Variants in FXN observed in about 807,000 individuals in gnomAD.
FXN encodes the protein frataxin, also known as frataxin, mitochondrial.
FXN carries 14 observed loss-of-function variants against 22.4 expected under a neutral mutation model. The ratio of observed to expected loss-of-function variants is 0.62; its 90% CI spans 0.41 to 0.98. FXN has a LOEUF of 0.98. Ranked by LOEUF, FXN falls within the 50% of genes least tolerant of loss-of-function variation. The probability of loss-of-function intolerance (pLI) is 0.00; values close to 1 mark genes in which losing one functional copy is unlikely to be tolerated. For missense variants in FXN, 267 were observed against 268.4 expected (o/e 0.99, Z 0.04); for synonymous variants, 120 against 114.1 (o/e 1.05, Z -0.33).
intron 4 of FXN, among the ~76,000 whole-genome samples, chr9:69,069,491 A>G (rs1832233951): frequency 6.6e-6 from 1 of 151,998 alleles, no homozygotes; most frequent in Non-Finnish European, 1.5e-5. Flanking sequence ...AAGACATTGC[A>G]TAAATAATGT....
intron 1 of FXN, among the ~76,000 whole-genome samples, chr9:69,041,651 G>A (rs1244484324): frequency 2.6e-5 from 4 of 152,210 alleles, no homozygotes; most frequent in Admixed American, 6.5e-5. Context: ...TGACAGGGCC[G>A]GGGGTGACAA....
In FXN at chr9:69,078,589, A is replaced by G; in HGVS notation, c.*5827A>G. ...GCTTTTCTGACTGAACTGTTCAGGC[A>G]CTGACTCTACATATAATTATGCTTT... On this transcript the variant is annotated 3_prime_UTR_variant, in exon 5 of 5. Coordinates refer to ENST00000484259, the MANE Select transcript of FXN (RefSeq NM_000144.5). The G allele has an allele frequency of 1.0e-6, 1 of 985,704 alleles. No individual in the cohort carries two copies. The highest frequency in any genetic ancestry group is 4.7e-5 in the South Asian group (1 of 21,278). The allele number at this position is 985,704 out of a possible 1,614,324, so 61.1% of individuals were successfully genotyped here. A position where few individuals can be genotyped will look rare whatever the true frequency, so the allele number is the denominator to read the frequency against.
At chr9:69,050,332 T>A (rs1831828736) in intron 2 of FXN, among the ~76,000 whole-genome samples, 1 of 152,216 alleles carries the variant, frequency 6.6e-6, no homozygotes, top group Non-Finnish European at 1.5e-5. Flanking sequence ...TATAGGATAG[T>A]TGTGATACAA....
At chr9:69,046,026 T>C (rs1403829334) in intron 1 of FXN, among the ~76,000 whole-genome samples, 1 of 152,100 alleles carries the variant, frequency 6.6e-6, no homozygotes, top group Admixed American at 6.5e-5. Context: ...CCACTGGAGG[T>C]GAAAGTTCCG....
intron 1 of FXN, among the ~76,000 whole-genome samples, chr9:69,036,713 C>T (rs1235686989): frequency 1.3e-5 from 2 of 152,212 alleles, no homozygotes; most frequent in African/African-American, 2.4e-5. Context: ...TTCAGAACTT[C>T]AAATTAGTTC....
chr9:69,072,564 C>A (rs774818917), intron 4 of FXN, 48 bp from the exon 5 acceptor site: 1 of 1,612,972 alleles, frequency 6.2e-7, no homozygotes, highest in Admixed American at 1.7e-5. Context: ...AGTGGTTCAT[C>A]TGAAGGGCTG....
At chr9:69,056,591 T>A (rs1587823579) in intron 3 of FXN, among the ~76,000 whole-genome samples, 1 of 152,298 alleles carries the variant, frequency 6.6e-6, no homozygotes, top group East Asian at 1.9e-4. Context: ...CGCACCACTG[T>A]TCTCCAGCCA....
At chr9:69,061,886 A>G (rs1832080587) in intron 3 of FXN, among the ~76,000 whole-genome samples, 1 of 152,250 alleles carries the variant, frequency 6.6e-6, no homozygotes, top group Admixed American at 6.5e-5. Context: ...ATAGTATTCC[A>G]TGGTGTATAT....
chr9:69,073,882 T>C lies in FXN; in HGVS notation c.*1120T>C. 1 of 985,292 alleles carries C rather than the reference T, an allele frequency of 1.0e-6. No individual in the cohort carries two copies. Among genetic ancestry groups the C allele is most frequent in the Non-Finnish European group, 1.2e-6 (1 of 829,870 alleles). 61.0% of individuals were successfully genotyped at this position (985,292 alleles called of 1,614,324 possible). Reference sequence around the variant, plus strand: ...TATCGTGATTTCAGTTGAATTCATGTGAAAATAATAGCCATCCTTGGCCTG... The same window carrying C: ...TATCGTGATTTCAGTTGAATTCATGCGAAAATAATAGCCATCCTTGGCCTG... On this transcript the variant is annotated 3_prime_UTR_variant, in exon 5 of 5. Coordinates refer to ENST00000484259, the MANE Select transcript of FXN (RefSeq NM_000144.5).
At position 69,078,025 on chromosome 9, in the gene FXN, C is replaced by T; in HGVS notation, c.*5263C>T. Reference sequence around the variant, plus strand: ...TATCATTTCCCAATTACATTCCTTTCCTACCGCACTCTATGATGCTAGCTG... The same window carrying T: ...TATCATTTCCCAATTACATTCCTTTTCTACCGCACTCTATGATGCTAGCTG... On this transcript the variant is annotated 3_prime_UTR_variant, in exon 5 of 5. Transcript: ENST00000484259. 8 of 985,380 alleles carry T rather than the reference C, an allele frequency of 8.1e-6. No homozygotes were observed. The highest frequency in any genetic ancestry group is 9.6e-6 in the Non-Finnish European group (8 of 829,892). 61.0% of individuals were successfully genotyped at this position (985,380 alleles called of 1,614,324 possible).
intron 3 of FXN, among the ~76,000 whole-genome samples, chr9:69,054,602 G>A (rs545142762): frequency 6.6e-6 from 1 of 152,150 alleles, no homozygotes; most frequent in East Asian, 1.9e-4. Flanking sequence ...TGCCTCTCGG[G>A]TTCAAGCAGT....
chr9:69,077,395 A>G lies in FXN; in HGVS notation c.*4633A>G. 1.0e-6 allele frequency: 1 copy of G among 985,474 alleles called. No homozygotes were observed. The allele number at this position is 985,474 out of a possible 1,614,324, so 61.0% of individuals were successfully genotyped here. A position where few individuals can be genotyped will look rare whatever the true frequency, so the allele number is the denominator to read the frequency against. On this transcript the variant is annotated 3_prime_UTR_variant, in exon 5 of 5. Transcript: ENST00000484259. The stretch of plus-strand genomic sequence containing the variant: ...CTTCTCTGGCTGTATAGTTTAAGGA[A>G]TGGAAGGCACCAGAACAGATTTATT...
At chr9:69,044,334 A>G (rs1285545926) in intron 1 of FXN, among the ~76,000 whole-genome samples, 2 of 152,160 alleles carry the variant, frequency 1.3e-5, no homozygotes, top group Admixed American at 6.5e-5. Context: ...GATAGCTCTA[A>G]CAGTGGTTAT....
At chr9:69,050,279 GTGATATT>G (rs1831827511) in intron 2 of FXN, among the ~76,000 whole-genome samples, 1 of 152,198 alleles carries the variant, frequency 6.6e-6, no homozygotes, top group Non-Finnish European at 1.5e-5. Context: ...CAATTTATCT[GTGATATT>G]ACAAAGGAAT....
At chr9:69,047,935 C>T (rs960591080) in intron 2 of FXN, among the ~76,000 whole-genome samples, 3 of 152,056 alleles carry the variant, frequency 2.0e-5, no homozygotes, top group African/African-American at 7.2e-5. Flanking sequence ...CCAGGCTGGT[C>T]TTGAACTCCT....
chr9:69,063,151 A>G (rs1260089873), intron 3 of FXN, among the ~76,000 whole-genome samples: 1 of 152,136 alleles, frequency 6.6e-6, no homozygotes, highest in Non-Finnish European at 1.5e-5. Context: ...GTGAGCCATG[A>G]TCCTGCCACT....
At chr9:69,061,450 C>T (rs1832072424) in intron 3 of FXN, among the ~76,000 whole-genome samples, 1 of 152,048 alleles carries the variant, frequency 6.6e-6, no homozygotes, top group Non-Finnish European at 1.5e-5. Context: ...GGGTGCAACA[C>T]ACAACTGGAG....
intron 3 of FXN, among the ~76,000 whole-genome samples, chr9:69,055,186 G>A (rs1379627591): frequency 2.0e-5 from 3 of 152,168 alleles, no homozygotes; most frequent in African/African-American, 4.8e-5. Flanking sequence ...CTAGAGGGCC[G>A]GGCTGCTTGG....
chr9:69,050,241 C>T (rs374359316), intron 2 of FXN, among the ~76,000 whole-genome samples: 14 of 152,184 alleles, frequency 9.2e-5, no homozygotes, highest in East Asian at 3.8e-4. Context: ...TATTTTGCAG[C>T]GTAGTATTCC....
Sources: gnomAD v4.1 joint callset for allele counts (sites outside exome capture counted in the v4.1 genomes callset) on GRCh38, gnomAD v4.1.1 for gene constraint, MANE v1.5 for transcripts, NCBI Gene and HGNC (gene_info 2026-07-23, HGNC 2026-07-21) for gene names.